Variants in ART3 observed in about 807,000 individuals in gnomAD.
ART3 encodes ecto-ADP-ribosyltransferase 3.
In ART3, 49 loss-of-function variants were observed where a neutral mutation model predicts 48.5. The ratio of observed to expected loss-of-function variants is 1.01; its 90% CI spans 0.80 to 1.28. The LOEUF (loss-of-function observed/expected upper bound fraction) is 1.28. ART3 is among the 50% of genes most tolerant of loss of function. The pLI, the probability that ART3 is intolerant of heterozygous loss-of-function variation, is 0.00. For synonymous variants in ART3, 145 were observed against 157.2 expected, an observed-to-expected ratio of 0.92 and a Z score of 0.58; for missense variants, 438 against 454.3, an observed-to-expected ratio of 0.96 and a Z score of 0.33.
At chr4:76,069,284 C>T (rs550311071) in intron 1 of ART3, among the ~76,000 whole-genome samples, 2 of 147,198 alleles carry the variant, frequency 1.4e-5, no homozygotes, top group South Asian at 2.1e-4. Context: ...TTCCTCATTT[C>T]CCCATTATAC....
intron 1 of ART3, chr4:76,035,379 G>T: frequency 6.2e-7 from 1 of 1,602,312 alleles, no homozygotes; most frequent in Non-Finnish European, 8.5e-7. Flanking sequence ...TAATGCATCT[G>T]ATTGCAACAG....
chr4:76,043,428 G>A lies in ART3; in HGVS notation c.-10+32108G>A, dbSNP rs566877251. On this transcript the variant is annotated intron_variant, in intron 1 of 9. Coordinates refer to the ART3 transcript ENST00000341029. Reference sequence around the variant, plus strand: ...TCAGGCATGGCGGGCTGCAGGTCCCGAGCCCTGCCCTGTAGGAAGGCAGCT... The same window carrying A: ...TCAGGCATGGCGGGCTGCAGGTCCCAAGCCCTGCCCTGTAGGAAGGCAGCT... Among the ~76,000 whole-genome samples, 8 of 152,172 alleles carry A rather than the reference G, an allele frequency of 5.3e-5. No homozygotes were observed. The South Asian group carries it at 8.3e-4, about 16-fold the overall frequency.
intron 1 of ART3, among the ~76,000 whole-genome samples, chr4:76,028,188 A>G (rs1015361270): frequency 6.6e-6 from 1 of 151,908 alleles, no homozygotes; most frequent in African/African-American, 2.4e-5. Context: ...AAAAAATCAA[A>G]CTTTTAGAGA....
At chr4:76,011,799 C>G (rs1731824029) in intron 1 of ART3, among the ~76,000 whole-genome samples, 2 of 152,230 alleles carry the variant, frequency 1.3e-5, no homozygotes, top group African/African-American at 4.8e-5. Flanking sequence ...TGTCCAGACA[C>G]TAGTTTCCTG....
At chr4:76,021,111 C>T (rs533376024) in intron 1 of ART3, 84 of 152,358 alleles carry the variant, frequency 5.5e-4, no homozygotes, top group African/African-American at 1.9e-3. Flanking sequence ...ACACAAGGCA[C>T]TTCATCTTAG....
upstream of ART3, among the ~76,000 whole-genome samples, chr4:76,070,960 G>T (rs548767035): frequency 1.7e-4 from 26 of 151,794 alleles, no homozygotes; most frequent in East Asian, 4.9e-3. Context: ...TACTCAAGAA[G>T]ATTGACCCAA....
chr4:76,032,459 G>A (rs55647336), intron 1 of ART3, among the ~76,000 whole-genome samples: 3,854 of 151,706 alleles, frequency 0.025, 153 homozygotes, highest in African/African-American at 0.086. Flanking sequence ...CACCTATGTT[G>A]GTCTCCCAAA....
At chr4:76,060,553 A>G (rs1399900835) in intron 1 of ART3, among the ~76,000 whole-genome samples, 4 of 152,210 alleles carry the variant, frequency 2.6e-5, no homozygotes, top group African/African-American at 9.6e-5. Flanking sequence ...AAAGATTTCC[A>G]TGCCCTAATT....
intron 4 of ART3, among the ~76,000 whole-genome samples, chr4:76,098,350 T>C (rs910601842): frequency 6.6e-6 from 1 of 152,192 alleles, no homozygotes; most frequent in Non-Finnish European, 1.5e-5. Context: ...GATTAAGACA[T>C]GCTCTGGGTG....
chr4:76,082,016 A>C lies in ART3; in HGVS notation c.262A>C (p.Met88Leu), dbSNP rs747312862. The C allele has an allele frequency of 1.2e-6, 2 of 1,614,240 alleles. No individual in the cohort carries two copies. Among genetic ancestry groups the C allele is most frequent in the South Asian group, 1.1e-5 (1 of 91,084 alleles). The change falls in exon 3 of 12, where the codon ATG (methionine) becomes CTG (leucine). Residue 88 changes from methionine (M) to leucine (L), a missense_variant. Physicochemically the swap from Met to Leu is conservative, Grantham distance 15. Coordinates refer to ENST00000355810, the MANE Select transcript of ART3 (RefSeq NM_001130016.3). Reference protein sequence around the residue: ...AARKTQIFLPMNFKDNHGIAL... With the variant: ...AARKTQIFLPLNFKDNHGIAL... The stretch of plus-strand genomic sequence containing the variant: ...CCGAAAGACTCAAATCTTTCTCCCT[A>C]TGAATTTTAAGGATAACCATGGAAT...
chr4:76,020,580 A>T (rs1249374829), intron 1 of ART3, among the ~76,000 whole-genome samples: 2 of 152,176 alleles, frequency 1.3e-5, no homozygotes, highest in Admixed American at 1.3e-4. Flanking sequence ...GGTGCAATTA[A>T]ACTAGGACAT....
chr4:76,097,570 C>T (rs1726289265), intron 3 of ART3, 74 bp from the exon 4 acceptor site: 5 of 1,269,100 alleles, frequency 3.9e-6, no homozygotes, highest in Non-Finnish European at 4.5e-6. Context: ...AGGTTACCAA[C>T]AGCCATAGAT....
intron 3 of ART3, among the ~76,000 whole-genome samples, chr4:76,090,482 G>A (rs1393235294): frequency 1.3e-5 from 2 of 152,230 alleles, no homozygotes; most frequent in Non-Finnish European, 2.9e-5. Flanking sequence ...TGTGAGTATA[G>A]TCATTGACAT....
chr4:76,077,096 A>G (rs941404468), intron 2 of ART3, among the ~76,000 whole-genome samples: 2 of 152,156 alleles, frequency 1.3e-5, no homozygotes, highest in Non-Finnish European at 2.9e-5. Flanking sequence ...TATATTCATT[A>G]TGTTCTGCAA....
chr4:76,091,722 C>A (rs1724947357), intron 3 of ART3, among the ~76,000 whole-genome samples: 1 of 149,194 alleles, frequency 6.7e-6, no homozygotes, highest in South Asian at 2.1e-4. Context: ...CGCTCTGTCA[C>A]CCAGGCTGGA....
intron 11 of ART3, among the ~76,000 whole-genome samples, chr4:76,108,031 G>A (rs1234849135): frequency 2.6e-5 from 4 of 151,610 alleles, no homozygotes; most frequent in Non-Finnish European, 4.4e-5. Flanking sequence ...TCTTAGAACA[G>A]TGGTTCTTAC....
chr4:76,032,640 A>G (rs1362288874), intron 1 of ART3, among the ~76,000 whole-genome samples: 1 of 143,720 alleles, frequency 7.0e-6, no homozygotes, highest in Non-Finnish European at 1.5e-5. Flanking sequence ...GCTGGAATGC[A>G]ATGGCATGAT....
At chr4:76,022,966 CT>C in intron 1 of ART3, 2 of 771,980 alleles carry the variant, frequency 2.6e-6, no homozygotes, top group Non-Finnish European at 4.1e-6. Context: ...CATAACACAA[CT>C]GTAAATGATT....
intron 1 of ART3, among the ~76,000 whole-genome samples, chr4:76,030,296 T>C (rs1248134736): frequency 6.6e-6 from 1 of 152,172 alleles, no homozygotes; most frequent in Admixed American, 6.5e-5. Context: ...GACCTCGTGA[T>C]CCACCCGCCT....
Sources: gnomAD v4.1 joint callset for allele counts (sites outside exome capture counted in the v4.1 genomes callset) on GRCh38, gnomAD v4.1.1 for gene constraint, MANE v1.5 for transcripts, NCBI Gene and HGNC (gene_info 2026-07-23, HGNC 2026-07-21) for gene names.